PCDH11X: variants seen among roughly 807,000 people sequenced by gnomAD.
The protein encoded by PCDH11X is protocadherin-11 X-linked.
PCDH11X carries 18 observed loss-of-function variants against 53.3 expected under a neutral mutation model. The ratio of observed to expected loss-of-function variants is 0.34; its 90% CI spans 0.23 to 0.50. The LOEUF (loss-of-function observed/expected upper bound fraction) is 0.50, where lower values mean the gene tolerates loss of function less well. Ranked by LOEUF, PCDH11X falls within the 20% of genes least tolerant of loss-of-function variation. PCDH11X has a pLI of 0.98. For synonymous variants in PCDH11X, 279 were observed against 393.3 expected (o/e 0.71, Z 3.44); for missense variants, 570 against 1,032.4 (o/e 0.55, Z 6.14).
At chrX:92,392,291 AAT>A (rs1163805595) in intron 9 of PCDH11X, among the ~76,000 whole-genome samples, 1 of 111,479 alleles carries the variant, frequency 9.0e-6, no homozygotes, top group Non-Finnish European at 1.9e-5. Flanking sequence ...AATAAAGATA[AAT>A]ATATGTTTTT....
chrX:91,983,138 G>T (rs2062168760), intron 6 of PCDH11X: 20 of 965,268 alleles, frequency 2.1e-5, no homozygotes, highest in Non-Finnish European at 3.0e-5. Flanking sequence ...CCAGGGTAAT[G>T]TGCTCCTGCT....
At chrX:91,976,461 T>C (rs1363136314) in intron 6 of PCDH11X, among the ~76,000 whole-genome samples, 2 of 112,140 alleles carry the variant, frequency 1.8e-5, no homozygotes, top group African/African-American at 3.2e-5. Flanking sequence ...CTCTCTTCTA[T>C]AAGGGTATTG....
intron 10 of PCDH11X, among the ~76,000 whole-genome samples, chrX:92,492,179 C>T (rs1305655730): frequency 8.9e-6 from 1 of 112,002 alleles, no homozygotes. Flanking sequence ...TCAATTTTTA[C>T]ATTTTCTGTA....
chrX:92,205,271 G>A (rs2066455709), intron 7 of PCDH11X, among the ~76,000 whole-genome samples: 1 of 111,502 alleles, frequency 9.0e-6, no homozygotes, highest in African/African-American at 3.3e-5. Flanking sequence ...TTCGAGTCAT[G>A]CCCTGCTGAT....
At position 92,291,584 on chromosome X, in the gene PCDH11X, T is replaced by C. The variant is rs766831046; in HGVS notation, c.3144+28441T>C. Among the ~76,000 whole-genome samples the C allele has an allele frequency of 7.0e-5, 7 of 99,410 alleles. No homozygotes were observed. In the South Asian group the frequency reaches 3.6e-3, roughly 51 times the overall value. 86.3% of individuals were successfully genotyped at this position (99,410 alleles called of 115,157 possible). ...GAGGTCTTAAGCTAGCAAAATGAAC[T>C]ATCTAATTACTCTGTTGCTTAATAA... On this transcript the variant is annotated intron_variant, in intron 8 of 10. Transcript: ENST00000682573.
At chrX:92,182,173 G>T (rs1196803968) in intron 6 of PCDH11X, among the ~76,000 whole-genome samples, 1 of 112,333 alleles carries the variant, frequency 8.9e-6, no homozygotes, top group Non-Finnish European at 1.9e-5. Context: ...GAGACAGGGA[G>T]TCAAAGGAGA....
intron 8 of PCDH11X, among the ~76,000 whole-genome samples, chrX:92,345,605 A>G (rs1233319211): frequency 9.0e-6 from 1 of 111,683 alleles, no homozygotes; most frequent in African/African-American, 3.2e-5. Context: ...TTAATTTTTA[A>G]TTTGTATTTG....
intron 6 of PCDH11X, among the ~76,000 whole-genome samples, chrX:92,125,039 G>A (rs924685095): frequency 8.9e-6 from 1 of 111,786 alleles, no homozygotes; most frequent in Admixed American, 9.6e-5. Context: ...GTTTCATCGT[G>A]CTTTCTGATT....
At chrX:91,966,256 T>C (rs1316801744) in intron 6 of PCDH11X, among the ~76,000 whole-genome samples, 43 of 110,495 alleles carry the variant, frequency 3.9e-4, no homozygotes, top group Non-Finnish European at 3.8e-5. Flanking sequence ...TCAATATCTA[T>C]GTTTACCCAA....
chrX:92,273,733 C>G, intron 8 of PCDH11X, among the ~76,000 whole-genome samples: 1 of 110,328 alleles, frequency 9.1e-6, no homozygotes, highest in East Asian at 2.9e-4. Flanking sequence ...ACACATTTGT[C>G]GTGTAGAATT....
chrX:92,576,019 C>T (rs1602368297), intron 10 of PCDH11X, among the ~76,000 whole-genome samples: 1 of 87,869 alleles, frequency 1.1e-5, no homozygotes, highest in Non-Finnish European at 2.2e-5. Context: ...TATACACACA[C>T]ACACACACAC....
At chrX:92,326,639 T>TATATATATATATATAGAG in intron 8 of PCDH11X, among the ~76,000 whole-genome samples, 1 of 39,309 alleles carries the variant, frequency 2.5e-5, no homozygotes, top group East Asian at 2.2e-3. Context: ...TATATATATA[T>TATATATATATATATAGAG]AGAGAGAGAG....
chrX:91,982,177 G>A (rs1257485296), intron 6 of PCDH11X, among the ~76,000 whole-genome samples: 2 of 110,517 alleles, frequency 1.8e-5, no homozygotes, highest in Non-Finnish European at 3.8e-5. Flanking sequence ...TGGTGTAAAA[G>A]AGGTAAAGAT....
intron 6 of PCDH11X, among the ~76,000 whole-genome samples, chrX:92,067,525 G>A (rs2148073234): frequency 9.0e-6 from 1 of 110,939 alleles, no homozygotes; most frequent in South Asian, 3.8e-4. Flanking sequence ...TATGATGAAT[G>A]CTCTATTTAA....
intron 10 of PCDH11X, among the ~76,000 whole-genome samples, chrX:92,490,915 G>A (rs1250936501): frequency 9.3e-6 from 1 of 107,826 alleles, no homozygotes; most frequent in African/African-American, 3.4e-5. Context: ...GAGTTTTGGG[G>A]CAGATCGTAG....
rs776531508 is a variant in PCDH11X, at chrX:92,297,446, C to A, written c.3144+34303C>A. On this transcript the variant is annotated intron_variant, in intron 8 of 10. Coordinates refer to ENST00000682573, the MANE Select transcript of PCDH11X (RefSeq NM_032968.5). ...TGTTTTTGTCGACTTTGTCAATGAT[C>A]AGATGGTTGTAGGTATGCGGCTTTA... Among the ~76,000 whole-genome samples, 348 of 110,427 alleles carry A rather than the reference C, an allele frequency of 3.2e-3. 2 individuals are homozygous for A. Among genetic ancestry groups the A allele is most frequent in the African/African-American group, 0.011 (336 of 30,331 alleles).
At chrX:92,254,075 G>A (rs998583500) in intron 7 of PCDH11X, among the ~76,000 whole-genome samples, 1 of 111,821 alleles carries the variant, frequency 8.9e-6, no homozygotes, top group African/African-American at 3.2e-5. Flanking sequence ...GTCATATATG[G>A]CTTTTATTAT....
At chrX:92,253,723 T>A (rs922643329) in intron 7 of PCDH11X, among the ~76,000 whole-genome samples, 2 of 112,003 alleles carry the variant, frequency 1.8e-5, no homozygotes, top group Non-Finnish European at 3.8e-5. Context: ...ATTACTTTTT[T>A]AATCTCTTTC....
chrX:92,489,475 A>T (rs2073714227), intron 10 of PCDH11X, among the ~76,000 whole-genome samples: 1 of 109,823 alleles, frequency 9.1e-6, no homozygotes, highest in Non-Finnish European at 1.9e-5. Context: ...TTTATCCGTT[A>T]TCTCTTCTCT....
Sources: gnomAD v4.1 joint callset for allele counts (sites outside exome capture counted in the v4.1 genomes callset) on GRCh38, gnomAD v4.1.1 for gene constraint, MANE v1.5 for transcripts, NCBI Gene and HGNC (gene_info 2026-07-23, HGNC 2026-07-21) for gene names.